ZNF264: variants seen among roughly 807,000 people sequenced by gnomAD.
ZNF264 encodes the protein zinc finger protein 264.
ZNF264 carries 11 observed loss-of-function variants against 11.2 expected under a neutral mutation model. The observed-to-expected ratio is 0.98, with a 90% CI of 0.62 to 1.63. ZNF264 has a LOEUF of 1.63. Ranked by LOEUF, ZNF264 falls within the 40% of genes most tolerant of loss-of-function variation. ZNF264 has a pLI of 0.00. For missense variants in ZNF264, 752 were observed against 768.1 expected (o/e 0.98, Z 0.25); for synonymous variants, 309 against 279.8 (o/e 1.10, Z -1.04).
At chr19:57,202,980 AC>A (rs950436099) in intron 2 of ZNF264, among the ~76,000 whole-genome samples, 4 of 151,066 alleles carry the variant, frequency 2.6e-5, no homozygotes, top group Non-Finnish European at 5.9e-5. Context: ...ATTAGAGGAC[AC>A]CCCCCACTGG....
intron 3 of ZNF264, among the ~76,000 whole-genome samples, chr19:57,210,823 G>A (rs941281045): frequency 8.5e-5 from 13 of 152,088 alleles, no homozygotes; most frequent in Admixed American, 3.9e-4. Flanking sequence ...TGAGTTCCCC[G>A]TTTGCATAAA....
chr19:57,204,506 G>A (rs1040001941), intron 2 of ZNF264, among the ~76,000 whole-genome samples: 1 of 152,122 alleles, frequency 6.6e-6, no homozygotes, highest in Admixed American at 6.5e-5. Context: ...TTATAAAGGG[G>A]GGTTCCCCTA....
At position 57,212,291 on chromosome 19, in the gene ZNF264, C is replaced by G. The variant is rs1410093811; in HGVS notation, c.1194C>G (p.Pro398=). The G allele has an allele frequency of 1.9e-6, 3 of 1,613,964 alleles. 1 individual carries two copies. Among genetic ancestry groups the G allele is most frequent in the South Asian group, 2.2e-5 (2 of 91,070 alleles). ...HHYVIHTGEK[P]FECLECGKAF... ...ATGTCATCCACACTGGAGAGAAGCC[C>G]TTTGAGTGCCTCGAGTGTGGGAAGG... The change falls in exon 4 of 4, where the codon CCC becomes CCG. Residue 398 remains proline, a synonymous_variant. Coordinates refer to ENST00000263095, the MANE Select transcript of ZNF264 (RefSeq NM_003417.5).
rs904930806 is a variant in ZNF264, at chr19:57,220,296, G to A, written c.*7315G>A. ...TTGACTGTTTCTTCAACTTGAGGAA[G>A]GTAAACCAAAGCCACTCTTTAATGG... On this transcript the variant is annotated 3_prime_UTR_variant, in exon 4 of 4. Transcript: ENST00000263095. 2.6e-5 allele frequency: 4 copies of A among 152,270 alleles called. No homozygotes were observed. The highest frequency in any genetic ancestry group is 1.3e-4 in the Admixed American group (2 of 15,288). 9.4% of individuals were successfully genotyped at this position (152,270 alleles called of 1,614,324 possible).
intron 2 of ZNF264, among the ~76,000 whole-genome samples, chr19:57,196,765 A>G (rs2087214600): frequency 6.6e-6 from 1 of 151,836 alleles, no homozygotes; most frequent in Non-Finnish European, 1.5e-5. Flanking sequence ...GTTTTTGACC[A>G]CTCAGGTCCA....
chr19:57,203,836 G>A (rs1211022431), intron 2 of ZNF264, among the ~76,000 whole-genome samples: 1 of 152,078 alleles, frequency 6.6e-6, no homozygotes, highest in Non-Finnish European at 1.5e-5. Context: ...CCTTAGTGTG[G>A]TGTTTGGAAG....
At chr19:57,199,760 G>C (rs1394278450) in intron 2 of ZNF264, among the ~76,000 whole-genome samples, 1 of 151,924 alleles carries the variant, frequency 6.6e-6, no homozygotes, top group East Asian at 1.9e-4. Flanking sequence ...TGGGCCCATC[G>C]GGACTTTAGT....
intron 2 of ZNF264, among the ~76,000 whole-genome samples, chr19:57,203,021 C>T (rs184795297): frequency 6.6e-6 from 1 of 152,204 alleles, no homozygotes; most frequent in East Asian, 1.9e-4. Flanking sequence ...GGGGAAAACC[C>T]CCCACACATT....
At chr19:57,199,759 C>T (rs956639718) in intron 2 of ZNF264, among the ~76,000 whole-genome samples, 2 of 151,834 alleles carry the variant, frequency 1.3e-5, no homozygotes, top group Non-Finnish European at 2.9e-5. Context: ...GTGGGCCCAT[C>T]GGGACTTTAG....
At position 57,193,946 on chromosome 19, in the gene ZNF264, G is replaced by T; in HGVS notation, c.105G>T (p.Gln35His). The T allele has an allele frequency of 6.2e-7, 1 of 1,613,988 alleles. No homozygotes were observed. The highest frequency in any genetic ancestry group is 1.3e-5 in the African/African-American group (1 of 75,040). ...KEEWGQLDLA[Q>H]RTLYQEVMLE... ...AGTGGGGGCAGCTGGACCTAGCTCA[G>T]CGGACCCTGTACCAGGAGGTGATGC... The change falls in exon 2 of 4, where the codon CAG (glutamine) becomes CAT (histidine). Residue 35 changes from glutamine (Q) to histidine (H), a missense_variant. Physicochemically the swap from Gln to His is conservative, Grantham distance 24 (BLOSUM62 0). Transcript: ENST00000263095.
rs2087401612 is a variant in ZNF264 at position 57,219,399 on chromosome 19, C to T, written c.*6418C>T. On this transcript the variant is annotated 3_prime_UTR_variant, in exon 4 of 4. Transcript: ENST00000263095. ...TCTATCCTCATCCCCAAATGGATTT[C>T]ACCCCGCTTGTCCATCAGTCTCTGC... is the stretch of plus-strand genomic sequence containing the variant. 1 of 152,344 alleles carries T rather than the reference C, an allele frequency of 6.6e-6. No homozygotes were observed. The highest frequency in any genetic ancestry group is 2.1e-4 in the South Asian group (1 of 4,834). The allele number at this position is 152,344 out of a possible 1,614,324, so 9.4% of individuals were successfully genotyped here. A position where few individuals can be genotyped will look rare whatever the true frequency, so the allele number is the denominator to read the frequency against.
At chr19:57,200,532 T>TC (rs1436597521) in intron 2 of ZNF264, among the ~76,000 whole-genome samples, 4 of 101,956 alleles carry the variant, frequency 3.9e-5, no homozygotes, top group Admixed American at 1.8e-4. Flanking sequence ...TTTCTTTGTC[T>TC]TTGTCTCTTG....
Position 57,213,107 on chromosome 19 carries a change from ATAGG to A in ZNF264, c.*127_*130del. The A allele has an allele frequency of 1.1e-6, 1 of 895,138 alleles. No homozygotes were observed. The allele number at this position is 895,138 out of a possible 1,614,324, so 55.4% of individuals were successfully genotyped here. ...GAGAGACCCAGTGGTTATTGTGCAC[ATAGG>A]AGAACCTTCAGCTGCATCTTTCTCC... is the stretch of plus-strand genomic sequence containing the variant. On this transcript the variant is annotated 3_prime_UTR_variant, in exon 4 of 4. Coordinates refer to ENST00000263095, the MANE Select transcript of ZNF264 (RefSeq NM_003417.5).
chr19:57,204,901 T>C (rs111862416), intron 2 of ZNF264, among the ~76,000 whole-genome samples: 2 of 152,158 alleles, frequency 1.3e-5, no homozygotes, highest in African/African-American at 4.8e-5. Flanking sequence ...CCTTACTGAC[T>C]CAGCCATTCA....
intron 3 of ZNF264, among the ~76,000 whole-genome samples, chr19:57,209,982 G>T (rs2087322689): frequency 6.6e-6 from 1 of 152,028 alleles, no homozygotes; most frequent in Non-Finnish European, 1.5e-5. Context: ...AGGCATACAA[G>T]ACTCATTGTG....
chr19:57,206,339 G>A (rs1388724211), intron 3 of ZNF264, among the ~76,000 whole-genome samples: 1 of 152,106 alleles, frequency 6.6e-6, no homozygotes, highest in Non-Finnish European at 1.5e-5. Context: ...CGCCTCCCGG[G>A]TTCACGCCAT....
intron 1 of ZNF264, among the ~76,000 whole-genome samples, chr19:57,192,733 A>G (rs1222547671): frequency 9.7e-6 from 1 of 103,174 alleles, no homozygotes; most frequent in African/African-American, 6.2e-5. Flanking sequence ...CCGTGTTCAC[A>G]TACTTTTTTT....
At chr19:57,209,172 A>G (rs1285749055) in intron 3 of ZNF264, among the ~76,000 whole-genome samples, 1 of 152,082 alleles carries the variant, frequency 6.6e-6, no homozygotes, top group Non-Finnish European at 1.5e-5. Flanking sequence ...AATTTACTGT[A>G]GTCTAACTTA....
At chr19:57,207,489 T>G (rs2087301209) in intron 3 of ZNF264, among the ~76,000 whole-genome samples, 1 of 151,948 alleles carries the variant, frequency 6.6e-6, no homozygotes. Flanking sequence ...ATATTCTGCT[T>G]GTTTTGTGAT....
Sources: gnomAD v4.1 joint callset for allele counts (sites outside exome capture counted in the v4.1 genomes callset) on GRCh38, gnomAD v4.1.1 for gene constraint, MANE v1.5 for transcripts, NCBI Gene and HGNC (gene_info 2026-07-23, HGNC 2026-07-21) for gene names.